Variants in DNAJB14 observed in about 807,000 individuals in gnomAD.
DNAJB14 encodes DnaJ heat shock protein family (Hsp40) member B14.
A neutral mutation model predicts 48.4 loss-of-function variants in DNAJB14; 22 were observed. The ratio of observed to expected loss-of-function variants is 0.45; its 90% CI spans 0.32 to 0.65. The LOEUF (loss-of-function observed/expected upper bound fraction) is 0.65. Ranked by LOEUF, DNAJB14 falls within the 30% of genes least tolerant of loss-of-function variation. The pLI, the probability that DNAJB14 is intolerant of heterozygous loss-of-function variation, is 0.03. For synonymous variants in DNAJB14, 142 were observed against 158.7 expected, an observed-to-expected ratio of 0.89 and a Z score of 0.79; for missense variants, 319 against 458.8, an observed-to-expected ratio of 0.70 and a Z score of 2.78.
At chr4:99,916,891 T>G (rs544494319) in intron 3 of DNAJB14, among the ~76,000 whole-genome samples, 1 of 152,258 alleles carries the variant, frequency 6.6e-6, no homozygotes, top group South Asian at 2.1e-4. Context: ...TCCCAGCACT[T>G]TGGGAGGCTG....
chr4:99,914,984 T>A (rs1243023639), intron 3 of DNAJB14, among the ~76,000 whole-genome samples: 8 of 152,228 alleles, frequency 5.3e-5, no homozygotes, highest in Non-Finnish European at 7.3e-5. Flanking sequence ...TATTCACTAT[T>A]GTTACTCTTT....
intron 2 of DNAJB14, chr4:99,930,073 A>G (rs1236274935): frequency 6.4e-6 from 1 of 155,442 alleles, no homozygotes; most frequent in Non-Finnish European, 1.4e-5. Flanking sequence ...GGAAATTGAA[A>G]ATGTTGCTAT....
At chr4:99,927,924 GA>G (rs1726314910) in intron 2 of DNAJB14, 1 of 152,144 alleles carries the variant, frequency 6.6e-6, no homozygotes, top group Non-Finnish European at 1.5e-5. Flanking sequence ...CAACACTTAT[GA>G]AGGCTAATAT....
At chr4:99,907,175 A>C (rs1374315196) in intron 4 of DNAJB14, among the ~76,000 whole-genome samples, 2 of 152,204 alleles carry the variant, frequency 1.3e-5, no homozygotes, top group Non-Finnish European at 2.9e-5. Flanking sequence ...ATAACTGCAA[A>C]TCAAGTATCA....
At chr4:99,932,255 C>T (rs546944911) in intron 1 of DNAJB14, among the ~76,000 whole-genome samples, 1 of 151,836 alleles carries the variant, frequency 6.6e-6, no homozygotes, top group African/African-American at 2.4e-5. Flanking sequence ...AAATAACATA[C>T]CTGATTTTCA....
chr4:99,913,898 G>A (rs1294071409), intron 3 of DNAJB14, among the ~76,000 whole-genome samples: 2 of 152,084 alleles, frequency 1.3e-5, no homozygotes, highest in African/African-American at 2.4e-5. Flanking sequence ...AAATACCTGA[G>A]ACTAGCTTAT....
intron 3 of DNAJB14, among the ~76,000 whole-genome samples, chr4:99,912,845 G>A (rs1725713834): frequency 6.6e-6 from 1 of 152,038 alleles, no homozygotes; most frequent in South Asian, 2.1e-4. Context: ...CATTTATTTA[G>A]CTATTTTCTG....
At chr4:99,938,210 C>T (rs1279894330) in intron 1 of DNAJB14, among the ~76,000 whole-genome samples, 15 of 131,260 alleles carry the variant, frequency 1.1e-4, no homozygotes, top group African/African-American at 2.9e-4. Flanking sequence ...GTGGAGGTTG[C>T]GGTGAGCAGA....
chr4:99,938,253 C>T (rs1169380983), intron 1 of DNAJB14, among the ~76,000 whole-genome samples: 1 of 142,806 alleles, frequency 7.0e-6, no homozygotes, highest in Non-Finnish European at 1.5e-5. Context: ...GGCATATACT[C>T]ATCAAAAATA....
chr4:99,929,531 A>G (rs767369787), intron 2 of DNAJB14: 7 of 152,240 alleles, frequency 4.6e-5, no homozygotes, highest in Non-Finnish European at 7.3e-5. Context: ...GTAACAAATC[A>G]CTTTCCTTAA....
intron 3 of DNAJB14, among the ~76,000 whole-genome samples, chr4:99,913,612 T>C (rs1218534021): frequency 6.6e-6 from 1 of 150,450 alleles, no homozygotes; most frequent in Non-Finnish European, 1.5e-5. Context: ...CAAAGTATAC[T>C]GGTCTGTAGT....
intron 4 of DNAJB14, among the ~76,000 whole-genome samples, chr4:99,907,515 A>G (rs1337712490): frequency 6.6e-6 from 1 of 151,970 alleles, no homozygotes; most frequent in Non-Finnish European, 1.5e-5. Flanking sequence ...TCTCTACAAA[A>G]AAGTTTTAAA....
intron 1 of DNAJB14, among the ~76,000 whole-genome samples, chr4:99,931,464 G>A (rs1345107112): frequency 6.6e-6 from 1 of 151,732 alleles, no homozygotes; most frequent in Non-Finnish European, 1.5e-5. Flanking sequence ...CATAATAAAA[G>A]TTAAAACTAA....
rs112144391 is a variant in DNAJB14, at chr4:99,899,725, A to G, written c.*1303T>C. On this transcript the variant is annotated 3_prime_UTR_variant, in exon 8 of 8. Transcript: ENST00000442697. ...GAAGCAAAATCATTAAAATATTACA[A>G]CTGCTAAACACAGAAGACTAGAAAT... 1.6e-4 allele frequency: 24 copies of G among 152,202 alleles called. No individual in the cohort carries two copies. The highest frequency in any genetic ancestry group is 5.8e-4 in the African/African-American group (24 of 41,418). The allele number at this position is 152,202 out of a possible 1,614,324, so 9.4% of individuals were successfully genotyped here. A position where few individuals can be genotyped will look rare whatever the true frequency, so the allele number is the denominator to read the frequency against.
intron 1 of DNAJB14, among the ~76,000 whole-genome samples, chr4:99,944,748 T>G (rs1727005946): frequency 1.3e-5 from 2 of 152,134 alleles, no homozygotes; most frequent in South Asian, 4.1e-4. Flanking sequence ...CTAATTTTTT[T>G]GTATTTTTAG....
At chr4:99,917,417 G>A (rs747847682) in intron 3 of DNAJB14, among the ~76,000 whole-genome samples, 5 of 152,184 alleles carry the variant, frequency 3.3e-5, no homozygotes, top group Admixed American at 6.5e-5. Context: ...TGTCTGGTGA[G>A]GGCCTGCTTT....
At position 99,903,835 on chromosome 4, in the gene DNAJB14, C is replaced by A; in HGVS notation, c.906G>T (p.Lys302Asn). ...ENLGVVYYVN[K>N]DFKNEYKGML... ...TTCCTTTATATTCATTTTTGAAGTC[C>A]TTGTTGACATAATAAACAACACCCA... The change falls in exon 7 of 8, where the codon AAG (lysine) becomes AAT (asparagine). Residue 302 changes from lysine (K) to asparagine (N), a missense_variant. By Grantham distance (94) the Lys-to-Asn change is moderately conservative. Around this residue, in one of 3 missense-constraint regions of DNAJB14, gnomAD observed 166 missense variants for 236.3 expected, o/e 0.70. Coordinates refer to ENST00000442697, the MANE Select transcript of DNAJB14 (RefSeq NM_001031723.4). 2.5e-6 allele frequency: 4 copies of A among 1,612,710 alleles called. No homozygotes were observed. In the South Asian group the frequency reaches 4.4e-5, roughly 18 times the overall value.
chr4:99,909,736 A>T (rs1725593054), intron 3 of DNAJB14, among the ~76,000 whole-genome samples: 1 of 152,018 alleles, frequency 6.6e-6, no homozygotes, highest in African/African-American at 2.4e-5. Context: ...TCTGAAAAAG[A>T]AATGAGTAAA....
At chr4:99,923,336 G>C (rs1299282993) in intron 2 of DNAJB14, 151 bp from the exon 3 acceptor site, 1 of 738,252 alleles carries the variant, frequency 1.4e-6, no homozygotes, top group Non-Finnish European at 2.0e-6. Flanking sequence ...GGATTAGTCT[G>C]CTTCATTCTC....
Sources: gnomAD v4.1 joint callset for allele counts (sites outside exome capture counted in the v4.1 genomes callset) on GRCh38, gnomAD v4.1.1 for gene constraint, gnomAD v4.1.1 regional missense constraint, MANE v1.5 for transcripts, NCBI Gene and HGNC (gene_info 2026-07-23, HGNC 2026-07-21) for gene names.